Variants in NME4 observed in about 807,000 individuals in gnomAD.
The protein encoded by NME4 is nucleoside diphosphate kinase D, mitochondrial.
Under a neutral mutation model 16.4 loss-of-function variants are expected in NME4, and 21 were observed. The observed-to-expected ratio is 1.28, with a 90% confidence interval of 0.91 to 1.84. The LOEUF (loss-of-function observed/expected upper bound fraction) is 1.84, where lower values mean the gene tolerates loss of function less well. Among genes scored for constraint, NME4 ranks in the 40% most tolerant of loss-of-function variants. NME4 has a pLI of 0.00. For missense variants in NME4, 316 were observed against 261.3 expected (o/e 1.21, Z -1.44); for synonymous variants, 132 against 107.5 (o/e 1.23, Z -1.41).
At position 399,088 on chromosome 16, in the gene NME4, C is replaced by A; in HGVS notation, c.190C>A (p.Arg64=). ...GGACGTGATCCAGCGCTTTGAGAGG[C>A]GGGGCTTCACGCTGGTGGGGATGAA... ...VGDVIQRFER[R]GFTLVGMKML... Residue 64 remains arginine (R), a synonymous_variant, in exon 2 of 5, where the codon CGG becomes AGG. Coordinates refer to ENST00000219479, the MANE Select transcript of NME4 (RefSeq NM_005009.3). 4 of 1,598,334 alleles carry A rather than the reference C, an allele frequency of 2.5e-6. No homozygotes were observed. Among genetic ancestry groups the A allele is most frequent in the South Asian group, 1.1e-5 (1 of 90,036 alleles).
rs748633663 is a variant in NME4 at position 399,037 on chromosome 16, G to GATGGCGTGCAAC, written c.140_151dup (p.Gln50_Arg51insHisGlyValGln). 6.2e-7 allele frequency: 1 copy of GATGGCGTGCAAC among 1,609,168 alleles called. No homozygotes were observed. The highest frequency in any genetic ancestry group is 1.1e-5 in the South Asian group (1 of 91,068). ...GCGGACCCTGGTGGCGGTGAAGCCC[G>GATGGCGTGCAAC]ATGGCGTGCAACGGCGGCTCGTTGG... On this transcript the variant is annotated inframe_insertion, in exon 2 of 5. Transcript: ENST00000219479.
At position 399,057 on chromosome 16, in the gene NME4, C is replaced by G; in HGVS notation, c.159C>G (p.Leu53=). ...AVKPDGVQRR[L]VGDVIQRFER... ...AGCCCGATGGCGTGCAACGGCGGCT[C>G]GTTGGGGACGTGATCCAGCGCTTTG... Residue 53 remains leucine, a synonymous_variant, in exon 2 of 5, where the codon CTC becomes CTG. Coordinates refer to ENST00000219479, the MANE Select transcript of NME4 (RefSeq NM_005009.3). The G allele has an allele frequency of 1.2e-6, 2 of 1,606,198 alleles. No individual in the cohort carries two copies. The highest frequency in any genetic ancestry group is 1.1e-5 in the South Asian group (1 of 90,894).
intron 1 of NME4, chr16:397,831 C>G (rs756359889): frequency 6.5e-7 from 1 of 1,534,102 alleles, no homozygotes; most frequent in Non-Finnish European, 8.7e-7. Context: ...GGCCCCGCCG[C>G]TGCCCGGCCC....
rs1387196612 is a variant in NME4, at chr16:399,440, C to T, written c.287C>T (p.Ala96Val). The T allele has an allele frequency of 5.6e-6, 9 of 1,612,888 alleles. No homozygotes were observed. The highest frequency in any genetic ancestry group is 5.3e-5 in the African/African-American group (4 of 74,916). Residue 96 changes from alanine (A) to valine (V), a missense_variant, in exon 3 of 5, where the codon GCC (alanine) becomes GTC (valine). Physicochemically the swap from Ala to Val is moderately conservative, Grantham distance 64 (BLOSUM62 0). Transcript: ENST00000219479. ...CTGCGGAGGAAGCCCTTCTACCCTGCCCTCATCCGCTACATGAGCTCTGGG... is the reference window on the plus strand; with the variant it reads ...CTGCGGAGGAAGCCCTTCTACCCTGTCCTCATCCGCTACATGAGCTCTGGG... Reference protein sequence around the residue: ...QDLRRKPFYPALIRYMSSGPV... With the variant: ...QDLRRKPFYPVLIRYMSSGPV...
chr16:398,274 C>G lies in NME4; in HGVS notation c.92-716C>G, dbSNP rs1015332277. On this transcript the variant is annotated intron_variant, in intron 1 of 4. Coordinates refer to ENST00000219479, the MANE Select transcript of NME4 (RefSeq NM_005009.3). ...TGACCCTGGGTCTGGAAGCGACAGGCCTTGAAACTCCACAGCAGCACAGGC... is the reference window on the plus strand; with the variant it reads ...TGACCCTGGGTCTGGAAGCGACAGGGCTTGAAACTCCACAGCAGCACAGGC... The G allele has an allele frequency of 4.6e-5, 64 of 1,376,876 alleles. No homozygotes were observed. The African/African-American group carries it at 9.2e-4, about 20-fold the overall frequency. The allele number at this position is 1,376,876 out of a possible 1,614,324, so 85.3% of individuals were successfully genotyped here.
Position 399,442 on chromosome 16 carries a change from C to G in NME4, c.289C>G (p.Leu97Val), listed in dbSNP as rs143623833. The G allele has an allele frequency of 3.3e-4, 530 of 1,612,906 alleles. No individual in the cohort carries two copies. Among genetic ancestry groups the G allele is most frequent in the Non-Finnish European group, 4.2e-4 (499 of 1,179,968 alleles). ...GCGGAGGAAGCCCTTCTACCCTGCC[C>G]TCATCCGCTACATGAGCTCTGGGCC... ...DLRRKPFYPA[L>V]IRYMSSGPVV... The change falls in exon 3 of 5, where the codon CTC becomes GTC. Residue 97 changes from leucine to valine, a missense_variant. Leu to Val is a conservative substitution (Grantham distance 32). Transcript: ENST00000219479.
chr16:397,282 G>A lies in NME4; in HGVS notation c.60G>A (p.Pro20=), dbSNP rs2054561614. 9.4e-7 allele frequency: 1 copy of A among 1,060,104 alleles called. No individual in the cohort carries two copies. Among genetic ancestry groups the A allele is most frequent in the Non-Finnish European group, 1.1e-6 (1 of 880,194 alleles). 65.7% of individuals were successfully genotyped at this position (1,060,104 alleles called of 1,614,324 possible). ...LRGLRCGPRA[P]GPSLLVRHGS... is the part of the protein sequence containing the mutation. ...GGCTGCGCTGCGGCCCGCGGGCCCC[G>A]GGCCCGAGCCTGCTAGTGCGCCACG... is the stretch of plus-strand genomic sequence containing the variant. The change falls in exon 1 of 5, where the codon CCG becomes CCA. Residue 20 remains proline, a synonymous_variant. Coordinates refer to ENST00000219479, the MANE Select transcript of NME4 (RefSeq NM_005009.3).
At chr16:398,287 C>T (rs1230407590) in intron 1 of NME4, 2 of 1,363,248 alleles carry the variant, frequency 1.5e-6, no homozygotes, top group African/African-American at 2.9e-5. Context: ...TGAAACTCCA[C>T]AGCAGCACAG....
upstream of NME4, chr16:397,161 C>T (rs1412847526): frequency 2.7e-6 from 2 of 737,652 alleles, no homozygotes; most frequent in Non-Finnish European, 3.3e-6. Flanking sequence ...GGGCGGGTCT[C>T]GGGCTGGCAC....
rs762365064 is a variant in NME4, at chr16:400,120, C to T, written c.441-99C>T. The T allele has an allele frequency of 1.6e-5, 24 of 1,524,580 alleles. No individual in the cohort carries two copies. In the South Asian group the frequency reaches 1.9e-4, roughly 12 times the overall value. The allele number at this position is 1,524,580 out of a possible 1,614,324, so 94.4% of individuals were successfully genotyped here. A position where few individuals can be genotyped will look rare whatever the true frequency, so the allele number is the denominator to read the frequency against. On this transcript the variant is annotated intron_variant, in intron 4 of 4. Coordinates refer to ENST00000219479, the MANE Select transcript of NME4 (RefSeq NM_005009.3). ...TTCCCTGTCTGCAGTCACAGGCTTG[C>T]TCCCCTAGACAGAGGGCAACGGGAG...
At chr16:399,255 C>A in intron 2 of NME4, 124 bp from the exon 3 acceptor site, 1 of 1,427,784 alleles carries the variant, frequency 7.0e-7, no homozygotes, top group Non-Finnish European at 9.9e-7. Flanking sequence ...GGGATCTATT[C>A]TGCGGTGGGG....
intron 1 of NME4, chr16:398,366 G>T: frequency 1.6e-6 from 2 of 1,273,268 alleles, no homozygotes; most frequent in South Asian, 2.5e-5. Context: ...CTTTTTGTCC[G>T]TGTTTCCAGG....
intron 1 of NME4, among the ~76,000 whole-genome samples, 186 bp downstream of exon 1, chr16:397,499 C>T (rs1341679720): frequency 7.3e-6 from 1 of 137,382 alleles, no homozygotes; most frequent in African/African-American, 2.7e-5. Context: ...CAGTGCCCGT[C>T]CGGCTCTGCG....
chr16:399,926 G>A (rs761609275), intron 4 of NME4, among the ~76,000 whole-genome samples, 187 bp downstream of exon 4: 3 of 152,170 alleles, frequency 2.0e-5, no homozygotes, highest in Non-Finnish European at 4.4e-5. Flanking sequence ...TTCCCTTTGT[G>A]TTGTGTGTAC....
intron 1 of NME4, chr16:398,431 T>G: frequency 8.3e-7 from 1 of 1,199,154 alleles, no homozygotes; most frequent in African/African-American, 1.6e-5. Flanking sequence ...CTCATTCACC[T>G]CAGACACAGG....
upstream of NME4, chr16:397,123 G>GAA (rs763395790): frequency 0.041 from 12,211 of 300,194 alleles, 1,122 homozygotes; most frequent in African/African-American, 0.22. Context: ...GGGGGCTCCG[G>GAA]GGCGGCGGGG....
Position 400,309 on chromosome 16 carries a change from C to G in NME4, c.531C>G (p.Asp177Glu), listed in dbSNP as rs5841. 6.2e-7 allele frequency: 1 copy of G among 1,604,594 alleles called. No homozygotes were observed. The highest frequency in any genetic ancestry group is 1.1e-5 in the South Asian group (1 of 90,634). Residue 177 changes from aspartate to glutamate, a missense_variant, in exon 5 of 5, where the codon GAC becomes GAG. Asp to Glu is a conservative substitution (Grantham distance 45, BLOSUM62 2). Transcript: ENST00000219479. ...GCAGTGAGCTGGTGAGCTGGGCAGA[C>G]GGGGGCCAGCACAGCAGCATCCACC... ...FQSSELVSWADGGQHSSIHPA is the reference protein window; with the variant it reads ...FQSSELVSWAEGGQHSSIHPA
intron 1 of NME4, among the ~76,000 whole-genome samples, chr16:397,587 G>A (rs1450973611): frequency 2.3e-5 from 2 of 87,366 alleles, no homozygotes; most frequent in East Asian, 6.7e-4. Context: ...GGGCGACCGA[G>A]GGCCCGGGAG....
At chr16:399,337 C>A in intron 2 of NME4, 42 bp from the exon 3 acceptor site, 1 of 1,583,972 alleles carries the variant, frequency 6.3e-7, no homozygotes, top group Non-Finnish European at 8.7e-7. Flanking sequence ...CTAGTGCCCA[C>A]GTTTACTGTC....
Sources: allele counts gnomAD v4.1 joint callset (sites outside exome capture counted in the v4.1 genomes callset), GRCh38; gene constraint gnomAD v4.1.1; transcripts MANE v1.5; gene names NCBI Gene and HGNC (gene_info 2026-07-23, HGNC 2026-07-21).